ENPP5: variants seen among roughly 807,000 people sequenced by gnomAD.
ENPP5 encodes E-NPP 5.
A neutral mutation model predicts 33.7 loss-of-function variants in ENPP5; 27 were observed. That is an observed-to-expected ratio of 0.80 (90% CI 0.59 to 1.11). ENPP5 has a LOEUF of 1.11. Among genes scored for constraint, ENPP5 ranks in the 50% least tolerant of loss-of-function variants. ENPP5 has a pLI of 0.00. For synonymous variants in ENPP5, 199 were observed against 200.5 expected, an observed-to-expected ratio of 0.99 and a Z score of 0.06; for missense variants, 552 against 579.2, an observed-to-expected ratio of 0.95 and a Z score of 0.48.
At chr6:46,165,721 G>A (rs913348906) in intron 3 of ENPP5, among the ~76,000 whole-genome samples, 158 bp from the exon 4 acceptor site, 1 of 152,158 alleles carries the variant, frequency 6.6e-6, no homozygotes, top group Admixed American at 6.5e-5. Flanking sequence ...GGGAAACTAG[G>A]AAATAATCTT....
Position 46,167,889 on chromosome 6 carries a change from A to G in ENPP5, c.374T>C (p.Ile125Thr). 6.2e-7 allele frequency: 1 copy of G among 1,614,130 alleles called. No individual in the cohort carries two copies. The highest frequency in any genetic ancestry group is 8.5e-7 in the Non-Finnish European group (1 of 1,180,024). Reference sequence around the variant, plus strand: ...AGTATGTCCTGCCCTCTGGTTTGTGATCCATATTGGTGTCGCTTCTTCCCA... The same window carrying G: ...AGTATGTCCTGCCCTCTGGTTTGTGGTCCATATTGGTGTCGCTTCTTCCCA... Reference protein sequence around the residue: ...KFWEEATPIWITNQRAGHTSG... With the variant: ...KFWEEATPIWTTNQRAGHTSG... The change falls in exon 3 of 5, where the codon ATC (isoleucine) becomes ACC (threonine). Residue 125 changes from isoleucine (I) to threonine (T), a missense_variant. Coordinates refer to ENST00000371383, the MANE Select transcript of ENPP5 (RefSeq NM_001290072.2).
intron 2 of ENPP5, among the ~76,000 whole-genome samples, chr6:46,169,087 C>G (rs1331863142): frequency 6.6e-6 from 1 of 152,120 alleles, no homozygotes; most frequent in Non-Finnish European, 1.5e-5. Flanking sequence ...GTAGTAAAAG[C>G]ACTTCCCTGG....
chr6:46,161,622 G>T lies in ENPP5; in HGVS notation c.1138C>A (p.Leu380Ile). Residue 380 changes from leucine (L) to isoleucine (I), a missense_variant, in exon 5 of 5, where the codon CTC becomes ATC. Leu to Ile is a conservative substitution (Grantham distance 5, BLOSUM62 2). Transcript: ENST00000371383. ...STDLYPLLCHLLNITAMPHNG... is the reference protein window; with the variant it reads ...STDLYPLLCHILNITAMPHNG... ...TGTGGCATGGCGGTGATATTGAGGA[G>T]GTGGCATAGTAGTGGGTACAAATCT... The T allele has an allele frequency of 1.2e-6, 2 of 1,613,958 alleles. No individual in the cohort carries two copies. Among genetic ancestry groups the T allele is most frequent in the Non-Finnish European group, 1.7e-6 (2 of 1,179,838 alleles).
chr6:46,167,695 G>A lies in ENPP5; in HGVS notation c.568C>T (p.Pro190Ser). The change falls in exon 3 of 5, where the codon CCT (proline) becomes TCT (serine). Residue 190 changes from proline (P) to serine (S), a missense_variant. Transcript: ENST00000371383. ...INLGLLYWED[P>S]DDMGHHLGPD... ...CCCAAATGGTGGCCCATGTCATCAG[G>A]GTCTTCCCAATAGAGAAGACCAAGA... 1.2e-6 allele frequency: 2 copies of A among 1,614,112 alleles called. No individual in the cohort carries two copies. Among genetic ancestry groups the A allele is most frequent in the Non-Finnish European group, 1.7e-6 (2 of 1,180,020 alleles).
intron 4 of ENPP5, chr6:46,165,139 T>G: frequency 2.8e-6 from 1 of 351,420 alleles, no homozygotes; most frequent in Non-Finnish European, 5.1e-6. Context: ...TCTGCTTTTC[T>G]TTTAATCAAT....
Position 46,167,987 on chromosome 6 carries a change from T to C in ENPP5, c.276A>G (p.Ala92=). The change falls in exon 3 of 5, where the codon GCA becomes GCG. Residue 92 remains alanine (A), a synonymous_variant. Transcript: ENST00000371383. ...GLFAENHGIV[A]NDMFDPIRNK... Reference sequence around the variant, plus strand: ...TCCGAATAGGATCAAACATATCATTTGCAACAATCCCATGATTCTCTGCAA... The same window carrying C: ...TCCGAATAGGATCAAACATATCATTCGCAACAATCCCATGATTCTCTGCAA... 6.2e-7 allele frequency: 1 copy of C among 1,614,248 alleles called. No individual in the cohort carries two copies.
chr6:46,159,672 C>T lies in ENPP5; in HGVS notation c.*1654G>A, dbSNP rs1199222870. 6.6e-6 allele frequency: 1 copy of T among 152,148 alleles called. No individual in the cohort carries two copies. Among genetic ancestry groups the T allele is most frequent in the African/African-American group, 2.4e-5 (1 of 41,452 alleles). 9.4% of individuals were successfully genotyped at this position (152,148 alleles called of 1,614,324 possible). On this transcript the variant is annotated 3_prime_UTR_variant, in exon 5 of 5. Transcript: ENST00000371383. Reference sequence around the variant, plus strand: ...GGTATTATCATTTTAAAAAATAAGACATTCACCAAATTTTAGGAAGCACTT... The same window carrying T: ...GGTATTATCATTTTAAAAAATAAGATATTCACCAAATTTTAGGAAGCACTT...
At position 46,168,169 on chromosome 6, in the gene ENPP5, G is replaced by A; in HGVS notation, c.94C>T (p.Leu32=). Residue 32 remains leucine (L), a synonymous_variant, in exon 3 of 5, where the codon CTA becomes TTA. Transcript: ENST00000371383. ...SLQPDQQKVL[L]VSFDGFRWDY... ...CAACGGAATCCATCAAAAGAAACTA[G>A]TAGAACCTTTTGCTGGTCTGGTTGG... The A allele has an allele frequency of 6.2e-7, 1 of 1,613,422 alleles. No individual in the cohort carries two copies. The highest frequency in any genetic ancestry group is 1.1e-5 in the South Asian group (1 of 91,028).
chr6:46,165,158 T>G, intron 4 of ENPP5: 1 of 398,620 alleles, frequency 2.5e-6, no homozygotes, highest in South Asian at 5.8e-5. Context: ...ATAAACATGA[T>G]AGAAACCCAA....
chr6:46,166,045 T>C (rs539741287), intron 3 of ENPP5, among the ~76,000 whole-genome samples: 2 of 152,302 alleles, frequency 1.3e-5, no homozygotes, highest in East Asian at 3.9e-4. Context: ...CAAATGCGGT[T>C]ACCCAGGCAC....
intron 3 of ENPP5, among the ~76,000 whole-genome samples, chr6:46,166,263 T>C (rs559415646): frequency 7.0e-6 from 1 of 143,114 alleles, no homozygotes; most frequent in South Asian, 2.3e-4. Flanking sequence ...CTTCCCTCCC[T>C]CTCTCTCTCT....
Position 46,161,768 on chromosome 6 carries a change from T to G in ENPP5, c.1007-15A>C. The G allele has an allele frequency of 6.3e-6, 10 of 1,591,600 alleles. No individual in the cohort carries two copies. Among genetic ancestry groups the G allele is most frequent in the Non-Finnish European group, 7.7e-6 (9 of 1,171,044 alleles). The stretch of plus-strand genomic sequence containing the variant: ...GTGGTTGCCTACTGTAAAGAGAAAA[T>G]ATGTGAAAAAGTTAGCCAACTATGC... On this transcript the variant is annotated splice_polypyrimidine_tract_variant and intron_variant, in intron 4 of 4. Transcript: ENST00000371383.
intron 4 of ENPP5, among the ~76,000 whole-genome samples, chr6:46,163,186 G>T (rs1378106042): frequency 6.6e-6 from 1 of 151,366 alleles, no homozygotes; most frequent in African/African-American, 2.4e-5. Flanking sequence ...AAATTCAGTA[G>T]GTCTGTTTTG....
intron 3 of ENPP5, among the ~76,000 whole-genome samples, chr6:46,166,398 A>T (rs1331635796): frequency 6.7e-6 from 1 of 149,172 alleles, no homozygotes; most frequent in East Asian, 2.0e-4. Context: ...GGCTCAAGCA[A>T]CCCTTCCACC....
rs1014016018 is a variant in ENPP5 at position 46,165,533 on chromosome 6, G to A, written c.860C>T (p.Thr287Ile). 6.9e-6 allele frequency: 11 copies of A among 1,598,004 alleles called. No individual in the cohort carries two copies. Among genetic ancestry groups the A allele is most frequent in the Non-Finnish European group, 9.4e-6 (11 of 1,175,142 alleles). ...GKFDEVYEAL[T>I]HAHPNLTVYK... The stretch of plus-strand genomic sequence containing the variant: ...AACAGTAAGATTAGGATGAGCGTGA[G>A]TTAGTGCTTCATAGACTTCATCAAA... The change falls in exon 4 of 5, where the codon ACT (threonine) becomes ATT (isoleucine). Residue 287 changes from threonine to isoleucine, a missense_variant. Transcript: ENST00000371383.
chr6:46,170,587 G>A (rs979497535), intron 1 of ENPP5, among the ~76,000 whole-genome samples: 1 of 151,844 alleles, frequency 6.6e-6, no homozygotes, highest in African/African-American at 2.4e-5. Flanking sequence ...GTGTAGCTCG[G>A]GTAGACGTCA....
At chr6:46,163,471 G>A (rs968931308) in intron 4 of ENPP5, among the ~76,000 whole-genome samples, 1 of 149,360 alleles carries the variant, frequency 6.7e-6, no homozygotes, top group Non-Finnish European at 1.5e-5. Context: ...GCAGTGTTTG[G>A]TTTTTTGTTC....
In ENPP5 at chr6:46,160,028, G is replaced by A. The variant is rs1181698548; in HGVS notation, c.*1298C>T. 2 of 152,222 alleles carry A rather than the reference G, an allele frequency of 1.3e-5. No homozygotes were observed. Among genetic ancestry groups the A allele is most frequent in the South Asian group, 2.1e-4 (1 of 4,834 alleles). The allele number at this position is 152,222 out of a possible 1,614,324, so 9.4% of individuals were successfully genotyped here. A position where few individuals can be genotyped will look rare whatever the true frequency, so the allele number is the denominator to read the frequency against. On this transcript the variant is annotated 3_prime_UTR_variant, in exon 5 of 5. Coordinates refer to ENST00000371383, the MANE Select transcript of ENPP5 (RefSeq NM_001290072.2). ...GCAGGTCAAAAGTACTACCTTGGAA[G>A]TAGAAGTCTATTTGTGAACTTGGAT...
chr6:46,165,235 TTTTAGATAA>T (rs1752458552), intron 4 of ENPP5, 143 bp downstream of exon 4: 3 of 575,700 alleles, frequency 5.2e-6, no homozygotes, highest in Non-Finnish European at 8.4e-6. Context: ...AAAAAAGCAT[TTTTAGATAA>T]GTACGAAAAC....
Sources: allele counts gnomAD v4.1 joint callset (sites outside exome capture counted in the v4.1 genomes callset), GRCh38; gene constraint gnomAD v4.1.1; transcripts MANE v1.5; gene names NCBI Gene and HGNC (gene_info 2026-07-23, HGNC 2026-07-21).